Variants in TSPAN8 observed in about 807,000 individuals in gnomAD.
TSPAN8 encodes tetraspanin 8.
In TSPAN8, 21 loss-of-function variants were observed where a neutral mutation model predicts 32.8. The ratio of observed to expected loss-of-function variants is 0.64; its 90% CI spans 0.45 to 0.92. TSPAN8 has a LOEUF of 0.92. Ranked by LOEUF, TSPAN8 falls within the 40% of genes least tolerant of loss-of-function variation. The probability of loss-of-function intolerance (pLI) is 0.00; values close to 1 mark genes in which losing one functional copy is unlikely to be tolerated. For synonymous variants in TSPAN8, 95 were observed against 94.6 expected (o/e 1.00, Z -0.03); for missense variants, 269 against 281.9 (o/e 0.95, Z 0.33).
chr12:71,133,448 A>T (rs760775619), intron 6 of TSPAN8, among the ~76,000 whole-genome samples: 1 of 152,196 alleles, frequency 6.6e-6, no homozygotes. Flanking sequence ...TTGTCAAAAA[A>T]GTTTCCAAAG....
rs1872494664 is a variant in TSPAN8 at position 71,157,779 on chromosome 12, TATCC to T, written c.-105_-102del. On this transcript the variant is annotated 5_prime_UTR_variant, in exon 2 of 9. The change creates a premature stop within an existing upstream ORF in the 5' untranslated region. Coordinates refer to ENST00000247829, the MANE Select transcript of TSPAN8 (RefSeq NM_004616.3). ...AGCAACTTGCCTGCAGAGATTTCTG[TATCC>T]ACGGCTTCAGAGCAGAAAGAGAAAG... 1 of 839,284 alleles carries T rather than the reference TATCC, an allele frequency of 1.2e-6. No homozygotes were observed. The highest frequency in any genetic ancestry group is 2.4e-5 in the East Asian group (1 of 41,254). The allele number at this position is 839,284 out of a possible 1,614,324, so 52.0% of individuals were successfully genotyped here. A position where few individuals can be genotyped will look rare whatever the true frequency, so the allele number is the denominator to read the frequency against.
At chr12:71,157,372 TGCAG>T in intron 2 of TSPAN8, 2 of 398,706 alleles carry the variant, frequency 5.0e-6, no homozygotes, top group Middle Eastern at 7.1e-4. Flanking sequence ...GATTTTTTTT[TGCAG>T]CAATATGAAA....
At chr12:71,134,315 T>C (rs949528661) in intron 6 of TSPAN8, among the ~76,000 whole-genome samples, 2 of 152,228 alleles carry the variant, frequency 1.3e-5, no homozygotes, top group South Asian at 2.1e-4. Flanking sequence ...TTCAGCATTG[T>C]TATCAATGAT....
chr12:71,131,155 ATT>A (rs1871507604), intron 7 of TSPAN8, among the ~76,000 whole-genome samples: 1 of 152,184 alleles, frequency 6.6e-6, no homozygotes, highest in Admixed American at 6.5e-5. Flanking sequence ...AGTGGAAACT[ATT>A]TTTATTTACT....
intron 2 of TSPAN8, among the ~76,000 whole-genome samples, chr12:71,156,441 AAGCAGCCCATTTTTTTAACCTAAAAAC>A (rs56317373): frequency 0.15 from 22,723 of 151,948 alleles, 2,404 homozygotes; most frequent in East Asian, 0.32. Context: ...ATATTTGCAA[AAGCAGCCCATTTTTTTAACCTAAAAAC>A]AGCAGCCCAT....
intron 2 of TSPAN8, among the ~76,000 whole-genome samples, chr12:71,145,984 C>T (rs12313265): frequency 0.01 from 1,552 of 152,018 alleles, 33 homozygotes; most frequent in African/African-American, 0.036. Flanking sequence ...TTTTTTTGTT[C>T]GTGTATCACT....
chr12:71,133,741 G>A (rs896542178), intron 6 of TSPAN8, among the ~76,000 whole-genome samples: 2 of 152,148 alleles, frequency 1.3e-5, no homozygotes, highest in East Asian at 3.8e-4. Flanking sequence ...AAAAAAGAGG[G>A]TTTGCAGCCA....
At chr12:71,153,227 A>G (rs937052120) in intron 2 of TSPAN8, among the ~76,000 whole-genome samples, 1 of 152,220 alleles carries the variant, frequency 6.6e-6, no homozygotes, top group African/African-American at 2.4e-5. Flanking sequence ...GGAGCATTAA[A>G]AAATTGGGGC....
chr12:71,145,859 C>T (rs1872059745), intron 2 of TSPAN8, among the ~76,000 whole-genome samples: 1 of 152,054 alleles, frequency 6.6e-6, no homozygotes, highest in African/African-American at 2.4e-5. Context: ...ACTAATGAAC[C>T]TTGTAGCTAT....
chr12:71,144,280 C>G, intron 2 of TSPAN8, 67 bp from the exon 3 acceptor site: 1 of 1,421,844 alleles, frequency 7.0e-7, no homozygotes, highest in East Asian at 2.3e-5. Context: ...TTTCCACACC[C>G]TCCTATCTAT....
intron 6 of TSPAN8, among the ~76,000 whole-genome samples, chr12:71,137,495 G>A (rs1440161163): frequency 6.6e-6 from 1 of 151,928 alleles, no homozygotes; most frequent in Non-Finnish European, 1.5e-5. Flanking sequence ...AGCTACTCAG[G>A]AGGCTGAGAC....
intron 2 of TSPAN8, among the ~76,000 whole-genome samples, chr12:71,155,440 T>G (rs1352927302): frequency 6.6e-6 from 1 of 152,062 alleles, no homozygotes; most frequent in South Asian, 2.1e-4. Flanking sequence ...CTGTGGGCAA[T>G]GTGATAAAAC....
intron 2 of TSPAN8, among the ~76,000 whole-genome samples, chr12:71,145,142 A>G (rs998221175): frequency 1.1e-4 from 16 of 152,082 alleles, no homozygotes; most frequent in African/African-American, 3.4e-4. Context: ...GCTTTCGTGC[A>G]TGGTTGAGAC....
At chr12:71,125,470 T>C in intron 8 of TSPAN8, 83 bp from the exon 9 acceptor site, 1 of 1,189,902 alleles carries the variant, frequency 8.4e-7, no homozygotes, top group Non-Finnish European at 1.2e-6. Context: ...GAACATTATA[T>C]ATGAAAAGAT....
At chr12:71,156,193 C>T (rs1872423328) in intron 2 of TSPAN8, among the ~76,000 whole-genome samples, 1 of 140,370 alleles carries the variant, frequency 7.1e-6, no homozygotes, top group Non-Finnish European at 1.5e-5. Flanking sequence ...GCCACCTGGG[C>T]TGGCCAATGG....
At position 71,125,312 on chromosome 12, in the gene TSPAN8, A is replaced by G; in HGVS notation, c.*22T>C. The G allele has an allele frequency of 6.2e-7, 1 of 1,606,978 alleles. No individual in the cohort carries two copies. The highest frequency in any genetic ancestry group is 1.1e-5 in the South Asian group (1 of 89,902). ...ACATTTTAAAGGGGTTTGACTGACG[A>G]TAGGTTGATGCATCCACAGATTCAT... is the stretch of plus-strand genomic sequence containing the variant. On this transcript the variant is annotated 3_prime_UTR_variant, in exon 9 of 9. Coordinates refer to ENST00000247829, the MANE Select transcript of TSPAN8 (RefSeq NM_004616.3).
chr12:71,138,286 G>T, intron 4 of TSPAN8, 56 bp from the exon 5 acceptor site: 1 of 1,507,282 alleles, frequency 6.6e-7, no homozygotes, highest in Non-Finnish European at 9.2e-7. Flanking sequence ...TAACATCTGG[G>T]GACATTCTGG....
At chr12:71,154,233 C>T (rs1405766328) in intron 2 of TSPAN8, among the ~76,000 whole-genome samples, 1 of 151,708 alleles carries the variant, frequency 6.6e-6, no homozygotes, top group Admixed American at 6.6e-5. Flanking sequence ...TCGCTAGAAC[C>T]TGGGAAGCAG....
chr12:71,151,423 C>T (rs917421314), intron 2 of TSPAN8, among the ~76,000 whole-genome samples: 1 of 152,160 alleles, frequency 6.6e-6, no homozygotes, highest in Admixed American at 6.6e-5. Flanking sequence ...TTTTAAATAA[C>T]TCTAAATTTA....
Sources: allele counts gnomAD v4.1 joint callset (sites outside exome capture counted in the v4.1 genomes callset), GRCh38; gene constraint gnomAD v4.1.1; transcripts MANE v1.5; gene names NCBI Gene and HGNC (gene_info 2026-07-23, HGNC 2026-07-21).